Variants in FBN1 observed in about 807,000 individuals in gnomAD.
FBN1 encodes fibrillin-1.
In FBN1, 29 loss-of-function variants were observed where a neutral mutation model predicts 365.1. The ratio of observed to expected loss-of-function variants is 0.08; its 90% CI spans 0.06 to 0.11. The LOEUF (loss-of-function observed/expected upper bound fraction) is 0.11. Among genes scored for constraint, FBN1 ranks in the 10% least tolerant of loss-of-function variants. FBN1 has a pLI of 1.00. For missense variants in FBN1, 2,476 were observed against 3,703.2 expected, an observed-to-expected ratio of 0.67 and a Z score of 8.60; for synonymous variants, 1,210 against 1,270.5, an observed-to-expected ratio of 0.95 and a Z score of 1.01.
At chr15:48,585,916 G>C (rs2044432100) in intron 6 of FBN1, among the ~76,000 whole-genome samples, 2 of 151,988 alleles carry the variant, frequency 1.3e-5, no homozygotes, top group South Asian at 4.1e-4. Flanking sequence ...TATTTTTAAG[G>C]AAACTTAAAT....
At position 48,572,981 on chromosome 15, in the gene FBN1, A is replaced by G. The variant is rs554412616; in HGVS notation, c.538+23302T>C. On this transcript the variant is annotated intron_variant, in intron 6 of 65. Transcript: ENST00000316623. ...TTGCGAACATCTGTTAAGTGTGAAA[A>G]GGGGGAACAATGGGAGGATGTGGGC... 2.6e-5 allele frequency among the ~76,000 whole-genome samples: 4 copies of G among 152,232 alleles called. No individual in the cohort carries two copies. In the East Asian group the frequency reaches 7.7e-4, roughly 29 times the overall value.
intron 17 of FBN1, among the ~76,000 whole-genome samples, chr15:48,502,869 C>T (rs899659848): frequency 2.1e-4 from 32 of 152,178 alleles, no homozygotes; most frequent in Middle Eastern, 3.4e-3. Context: ...AACTAAATCC[C>T]CTGATTAAGT....
rs771716341 is a variant in FBN1, at chr15:48,421,949, C to G, written c.7570+3G>C. 1 of 1,604,282 alleles carries G rather than the reference C, an allele frequency of 6.2e-7. No homozygotes were observed. Among genetic ancestry groups the G allele is most frequent in the South Asian group, 1.1e-5 (1 of 90,910 alleles). On this transcript the variant is annotated splice_donor_region_variant and intron_variant, in intron 61 of 65. Transcript: ENST00000316623. ...ATGTAGGATTTTTTCCTCTCCTACT[C>G]ACCAATGCAGGACGTATGGTGTTGG...
In FBN1 at chr15:48,409,247, T is replaced by C. The variant is rs1227013004; in HGVS notation, c.*1743A>G. On this transcript the variant is annotated 3_prime_UTR_variant, in exon 66 of 66. Coordinates refer to ENST00000316623, the MANE Select transcript of FBN1 (RefSeq NM_000138.5). The stretch of plus-strand genomic sequence containing the variant: ...AATGCAAGGAAACCCATTCTTTCAG[T>C]GAGTAGCTCTATAATTGGGACCGTG... The C allele has an allele frequency of 6.6e-6, 1 of 152,218 alleles. No homozygotes were observed. The highest frequency in any genetic ancestry group is 1.5e-5 in the Non-Finnish European group (1 of 68,032). 9.4% of individuals were successfully genotyped at this position (152,218 alleles called of 1,614,324 possible).
chr15:48,537,658 G>A lies in FBN1; in HGVS notation c.689C>T (p.Pro230Leu). ...ATTTGGAATGAAGCCACGGCGGCAG[G>A]GGTGAGGCTGGGCAGGACACATCTC... Reference protein sequence around the residue: ...PCEMCPAQPHPCRRGFIPNIR... With the variant: ...PCEMCPAQPHLCRRGFIPNIR... The change falls in exon 7 of 66, where the codon CCC becomes CTC. Residue 230 changes from proline (P) to leucine (L), a missense_variant. Pro to Leu is a moderately conservative substitution (Grantham distance 98). Transcript: ENST00000316623. 1 of 1,614,192 alleles carries A rather than the reference G, an allele frequency of 6.2e-7. No homozygotes were observed. The highest frequency in any genetic ancestry group is 1.7e-5 in the Admixed American group (1 of 60,022).
At chr15:48,495,682 T>G (rs1403001355) in intron 20 of FBN1, 94 bp from the exon 21 acceptor site, 1 of 1,486,570 alleles carries the variant, frequency 6.7e-7, no homozygotes, top group East Asian at 2.3e-5. Context: ...TACATATCCT[T>G]AATCCCACAC....
At position 48,425,876 on chromosome 15, in the gene FBN1, C is replaced by G. The variant is rs2042976362; in HGVS notation, c.7205-12G>C. The stretch of plus-strand genomic sequence containing the variant: ...GCATTCATCGATATCTGTAATTTAA[C>G]AAATATAAATTAAGAAATATATCAT... On this transcript the variant is annotated splice_polypyrimidine_tract_variant and intron_variant, in intron 58 of 65. Transcript: ENST00000316623. The G allele has an allele frequency of 8.8e-6, 14 of 1,593,822 alleles. No homozygotes were observed. Among genetic ancestry groups the G allele is most frequent in the Non-Finnish European group, 1.2e-5 (14 of 1,162,316 alleles).
At chr15:48,534,501 T>C (rs1380433383) in intron 7 of FBN1, among the ~76,000 whole-genome samples, 6 of 152,228 alleles carry the variant, frequency 3.9e-5, no homozygotes, top group African/African-American at 1.4e-4. Context: ...TTAGCACATA[T>C]GCAGCAAAGT....
At chr15:48,448,920 G>T (rs780564287) in intron 45 of FBN1, 27 bp from the exon 46 acceptor site, 45 of 1,587,694 alleles carry the variant, frequency 2.8e-5, no homozygotes, top group Non-Finnish European at 3.9e-5. Context: ...TCTTAAGTGA[G>T]AACTTAGAAG....
Position 48,428,428 on chromosome 15 carries a change from C to G in FBN1, c.6915G>C (p.Gly2305=). ...AGCTCCCACGGGTGTTGAGGCAGCG[C>G]CCATTCTCACAGATCCCTGGCTTCG... ...CQTKPGICEN[G]RCLNTRGSYT... The change falls in exon 57 of 66, where the codon GGG becomes GGC. Residue 2305 remains glycine (G), a synonymous_variant. Transcript: ENST00000316623. The G allele has an allele frequency of 1.9e-6, 3 of 1,614,000 alleles. No homozygotes were observed. In the South Asian group the frequency reaches 3.3e-5, roughly 18 times the overall value.
At chr15:48,577,884 T>A (rs1352370995) in intron 6 of FBN1, among the ~76,000 whole-genome samples, 1 of 152,210 alleles carries the variant, frequency 6.6e-6, no homozygotes, top group African/African-American at 2.4e-5. Context: ...TTAATATATT[T>A]GTAACATATG....
At position 48,468,348 on chromosome 15, in the gene FBN1, T is replaced by C. The variant is rs2279235; in HGVS notation, c.4582+64A>G. On this transcript the variant is annotated intron_variant, in intron 37 of 65. Coordinates refer to ENST00000316623, the MANE Select transcript of FBN1 (RefSeq NM_000138.5). ...TTTGCAAACTTTGAGAATGGAATGTTTGGTGCTGTTTTCAAAATAATACAC... is the reference window on the plus strand; with the variant it reads ...TTTGCAAACTTTGAGAATGGAATGTCTGGTGCTGTTTTCAAAATAATACAC... 19,664 of 1,595,774 alleles carry C rather than the reference T, an allele frequency of 0.012. 1,603 individuals are homozygous for C. The East Asian group carries it at 0.23, about 19-fold the overall frequency.
At chr15:48,529,951 C>T (rs1204057644) in intron 8 of FBN1, among the ~76,000 whole-genome samples, 9 of 10,048 alleles carry the variant, frequency 9.0e-4, no homozygotes, top group Middle Eastern at 0.062. Context: ...GAATTCTTAT[C>T]CATGCTGCAT....
At chr15:48,521,047 C>T (rs760447911) in intron 9 of FBN1, among the ~76,000 whole-genome samples, 12 of 152,188 alleles carry the variant, frequency 7.9e-5, no homozygotes, top group Non-Finnish European at 1.6e-4. Context: ...GCTGAAGTCC[C>T]ACATTCCATA....
chr15:48,525,979 G>C (rs2043908515), intron 9 of FBN1, 151 bp downstream of exon 9: 1 of 990,338 alleles, frequency 1.0e-6, no homozygotes, highest in South Asian at 1.4e-5. Flanking sequence ...TGTTCTTTAA[G>C]AGGGCAGTCA....
At chr15:48,634,857 CCACACACACACA>C (rs57811526) in intron 2 of FBN1, among the ~76,000 whole-genome samples, 833 of 69,166 alleles carry the variant, frequency 0.012, 15 homozygotes, top group African/African-American at 0.046. Context: ...AAAAAAAAAA[CCACACACACACA>C]CACACACACA....
Position 48,460,336 on chromosome 15 carries a change from G to A in FBN1, c.5225-19C>T, listed in dbSNP as rs375761937. 7.7e-6 allele frequency: 12 copies of A among 1,553,992 alleles called. No homozygotes were observed. The Admixed American group carries it at 8.3e-5, about 11-fold the overall frequency. ...AACTCATCTGCAATGATTAAACAAAGGTGGGATGGGAGGATAGGGGTCAGC... is the reference window on the plus strand; with the variant it reads ...AACTCATCTGCAATGATTAAACAAAAGTGGGATGGGAGGATAGGGGTCAGC... On this transcript the variant is annotated intron_variant, in intron 42 of 65. Coordinates refer to ENST00000316623, the MANE Select transcript of FBN1 (RefSeq NM_000138.5).
intron 6 of FBN1, among the ~76,000 whole-genome samples, chr15:48,544,465 C>T (rs984065768): frequency 1.3e-4 from 20 of 152,194 alleles, no homozygotes; most frequent in African/African-American, 4.3e-4. Flanking sequence ...ACCATTTCTA[C>T]ATTAGTATTT....
Position 48,465,686 on chromosome 15 carries a change from A to G in FBN1, c.4824T>C (p.Asp1608=), listed in dbSNP as rs1057521341. Residue 1608 remains aspartate, a synonymous_variant, in exon 40 of 66, where the codon GAT becomes GAC. Transcript: ENST00000316623. ...ACAGCCCTGGTAGCTCCTGGCACTC[A>G]TCAATATCTATCAAAATCAAAACAA... The part of the protein sequence containing the change: ...NPITVILEDI[D]ECQELPGLCQ... 1.9e-6 allele frequency: 3 copies of G among 1,613,984 alleles called. No homozygotes were observed. The highest frequency in any genetic ancestry group is 2.5e-6 in the Non-Finnish European group (3 of 1,179,964).
Sources: gnomAD v4.1 joint callset for allele counts (sites outside exome capture counted in the v4.1 genomes callset) on GRCh38, gnomAD v4.1.1 for gene constraint, MANE v1.5 for transcripts, NCBI Gene and HGNC (gene_info 2026-07-23, HGNC 2026-07-21) for gene names.